The following FUT8 variants were observed in gnomAD, a reference collection of about 807,000 sequenced individuals.
FUT8 encodes fucosyltransferase 8, also known as alpha-(1,6)-fucosyltransferase.
In FUT8, 29 loss-of-function variants were observed where a neutral mutation model predicts 71.3. The ratio of observed to expected loss-of-function variants is 0.41; its 90% CI spans 0.30 to 0.55. FUT8 has a LOEUF of 0.55. FUT8 is among the 20% of genes least tolerant of loss of function. The pLI, the probability that FUT8 is intolerant of heterozygous loss-of-function variation, is 0.34. For synonymous variants in FUT8, 254 were observed against 239.3 expected (o/e 1.06, Z -0.57); for missense variants, 544 against 702.1 (o/e 0.77, Z 2.55).
intron 10 of FUT8, among the ~76,000 whole-genome samples, chr14:65,741,868 A>C (rs1270018730): frequency 6.6e-6 from 1 of 151,982 alleles, no homozygotes; most frequent in Non-Finnish European, 1.5e-5. Flanking sequence ...TAATTGTAAT[A>C]ATCTTTCGTG....
chr14:65,364,290 C>T, the FUT8 span, among the ~76,000 whole-genome samples: 1 of 150,392 alleles, frequency 6.6e-6, no homozygotes, highest in East Asian at 2.0e-4. Flanking sequence ...CTGCAACCTC[C>T]ACCTCCCGGG....
At chr14:65,728,366 G>A (rs1357502480) in intron 9 of FUT8, among the ~76,000 whole-genome samples, 1 of 152,224 alleles carries the variant, frequency 6.6e-6, no homozygotes, top group Non-Finnish European at 1.5e-5. Flanking sequence ...CAATCATGAT[G>A]GAAGGCGAAA....
chr14:65,692,905 G>A (rs1161315836), intron 7 of FUT8, among the ~76,000 whole-genome samples: 1 of 150,736 alleles, frequency 6.6e-6, no homozygotes, highest in Admixed American at 6.6e-5. Context: ...CATCTCAGAC[G>A]ATGGGCGGCC....
At chr14:65,701,551 C>T (rs1894296018) in intron 7 of FUT8, among the ~76,000 whole-genome samples, 1 of 152,132 alleles carries the variant, frequency 6.6e-6, no homozygotes, top group Non-Finnish European at 1.5e-5. Flanking sequence ...TAACCATGAG[C>T]TTTAAGATAA....
chr14:65,476,626 TAAA>T (rs1229152515), intron 2 of FUT8, among the ~76,000 whole-genome samples: 3 of 150,266 alleles, frequency 2.0e-5, no homozygotes, highest in Admixed American at 1.3e-4. Flanking sequence ...GTGGTAGAGT[TAAA>T]GAAGTAGATT....
intron 1 of FUT8, among the ~76,000 whole-genome samples, chr14:65,434,302 T>C (rs1238090199): frequency 2.0e-5 from 3 of 152,216 alleles, no homozygotes; most frequent in Admixed American, 6.5e-5. Context: ...GTTGGCCTCA[T>C]TTTCTGCTTA....
chr14:65,726,817 C>T (rs745501231), intron 9 of FUT8, among the ~76,000 whole-genome samples: 6 of 152,194 alleles, frequency 3.9e-5, no homozygotes, highest in Non-Finnish European at 8.8e-5. Flanking sequence ...AAGTCCCTTC[C>T]ACCTATGAGC....
intron 10 of FUT8, 33 bp from the exon 11 acceptor site, chr14:65,742,060 A>G: frequency 6.4e-7 from 1 of 1,573,406 alleles, no homozygotes; most frequent in Non-Finnish European, 8.7e-7. Flanking sequence ...GAGTGTTTAT[A>G]TACTAACAAT....
chr14:65,496,212 T>C (rs1838508343), intron 2 of FUT8, among the ~76,000 whole-genome samples: 1 of 152,210 alleles, frequency 6.6e-6, no homozygotes, highest in South Asian at 2.1e-4. Flanking sequence ...GATTTTGGAA[T>C]AGATTCCTTT....
At chr14:65,511,555 A>G (rs983752486) in intron 2 of FUT8, among the ~76,000 whole-genome samples, 1 of 152,134 alleles carries the variant, frequency 6.6e-6, no homozygotes, top group African/African-American at 2.4e-5. Flanking sequence ...TATTTGCTTT[A>G]TATATCTGGG....
At chr14:65,518,635 G>A (rs538877720) in intron 2 of FUT8, among the ~76,000 whole-genome samples, 10 of 152,048 alleles carry the variant, frequency 6.6e-5, no homozygotes, top group South Asian at 4.2e-4. Context: ...AGTGAATCTC[G>A]TGCCTCCACC....
chr14:65,442,518 AATACATACATAC>A (rs142250322), intron 1 of FUT8, among the ~76,000 whole-genome samples: 3 of 148,764 alleles, frequency 2.0e-5, no homozygotes, highest in South Asian at 2.2e-4. Context: ...GACCATCATA[AATACATACATAC>A]ATACATACAT....
chr14:65,587,559 A>G (rs566671270), intron 3 of FUT8, among the ~76,000 whole-genome samples: 2 of 152,364 alleles, frequency 1.3e-5, no homozygotes, highest in Admixed American at 6.5e-5. Context: ...AAACGTCTGT[A>G]TAGTACCTGT....
intron 3 of FUT8, among the ~76,000 whole-genome samples, chr14:65,602,841 T>G (rs1207124319): frequency 6.6e-6 from 1 of 152,008 alleles, no homozygotes; most frequent in Non-Finnish European, 1.5e-5. Context: ...GTCTTATTCA[T>G]GTCCTTAGCC....
chr14:65,557,842 T>C (rs1438960306), intron 2 of FUT8, among the ~76,000 whole-genome samples: 1 of 152,090 alleles, frequency 6.6e-6, no homozygotes, highest in Non-Finnish European at 1.5e-5. Flanking sequence ...AGTCAGAAAT[T>C]AGCTGATATA....
chr14:65,563,006 A>G (rs560968343), intron 3 of FUT8, among the ~76,000 whole-genome samples: 19 of 152,032 alleles, frequency 1.2e-4, no homozygotes, highest in African/African-American at 4.3e-4. Flanking sequence ...TCATAATATT[A>G]TTTGGGTCCT....
chr14:65,706,723 G>T (rs898894005), intron 7 of FUT8, among the ~76,000 whole-genome samples: 17 of 152,044 alleles, frequency 1.1e-4, no homozygotes, highest in Non-Finnish European at 2.2e-4. Context: ...CCATTCATGA[G>T]GGTTTTGCCT....
At chr14:65,382,298 A>G in the FUT8 span, among the ~76,000 whole-genome samples, 1 of 151,938 alleles carries the variant, frequency 6.6e-6, no homozygotes, top group Non-Finnish European at 1.5e-5. Flanking sequence ...CTCTTTGAAA[A>G]CCCAGATGAA....
chr14:65,677,709 G>A (rs1391603400), intron 7 of FUT8, among the ~76,000 whole-genome samples: 1 of 151,984 alleles, frequency 6.6e-6, no homozygotes, highest in Non-Finnish European at 1.5e-5. Flanking sequence ...CCATAAACAG[G>A]GAAGTACACT....
Sources: allele counts gnomAD v4.1 joint callset (sites outside exome capture counted in the v4.1 genomes callset), GRCh38; gene constraint gnomAD v4.1.1; transcripts MANE v1.5; gene names NCBI Gene and HGNC (gene_info 2026-07-23, HGNC 2026-07-21).